The following PCNT variants were observed in gnomAD, a reference collection of about 807,000 sequenced individuals.
The protein encoded by PCNT is kendrin.
In PCNT, 319 loss-of-function variants were observed where a neutral mutation model predicts 380.4. That is an observed-to-expected ratio of 0.84 (90% CI 0.77 to 0.92). PCNT has a LOEUF of 0.92. Ranked by LOEUF, PCNT falls within the 40% of genes least tolerant of loss-of-function variation. The pLI is 0.00. For missense variants in PCNT, 4,400 were observed against 4,255.3 expected, an observed-to-expected ratio of 1.03 and a Z score of -0.95; for synonymous variants, 1,845 against 1,735.2, an observed-to-expected ratio of 1.06 and a Z score of -1.57.
chr21:46,372,391 GCAGCACATGCACACATACA>G (rs1452202931), intron 15 of PCNT, among the ~76,000 whole-genome samples: 6 of 150,336 alleles, frequency 4.0e-5, no homozygotes, highest in Non-Finnish European at 8.9e-5. Context: ...GCTCATACAC[GCAGCACATGCACACATACA>G]CAGCACATGC....
At chr21:46,395,487 GTAA>G (rs2086177966) in intron 21 of PCNT, among the ~76,000 whole-genome samples, 1 of 71,334 alleles carries the variant, frequency 1.4e-5, no homozygotes, top group East Asian at 6.0e-4. Context: ...AGAAATAATA[GTAA>G]TAAAATAGAG....
Position 46,387,005 on chromosome 21 carries a change from G to A in PCNT, c.3464+1022G>A, listed in dbSNP as rs1035474482. ...CCACTGCTCCCGTCTGTCTGTCCCC[G>A]CCCCAGGCCTCTGAGTCCTGCTGCT... On this transcript the variant is annotated intron_variant, in intron 17 of 46. Coordinates refer to ENST00000359568, the MANE Select transcript of PCNT (RefSeq NM_006031.6). Among the ~76,000 whole-genome samples, 6 of 152,086 alleles carry A rather than the reference G, an allele frequency of 3.9e-5. No individual in the cohort carries two copies. The East Asian group carries it at 9.7e-4, about 25-fold the overall frequency.
intron 44 of PCNT, 85 bp from the exon 45 acceptor site, chr21:46,443,725 G>A (rs776245817): frequency 7.5e-6 from 10 of 1,335,054 alleles, no homozygotes; most frequent in South Asian, 3.5e-5. Flanking sequence ...AAGCTTATAC[G>A]TTTAAACTGT....
intron 12 of PCNT, among the ~76,000 whole-genome samples, chr21:46,356,166 G>A (rs2146710399): frequency 6.6e-6 from 1 of 152,360 alleles, no homozygotes; most frequent in Admixed American, 6.5e-5. Flanking sequence ...AGGAGGGGCA[G>A]GCGGCCCTGG....
chr21:46,426,502 C>T (rs1047332538), intron 33 of PCNT, among the ~76,000 whole-genome samples: 12 of 152,196 alleles, frequency 7.9e-5, no homozygotes, highest in South Asian at 2.1e-4. Flanking sequence ...TGTGAGCCTG[C>T]GGGGAGGCTG....
intron 15 of PCNT, among the ~76,000 whole-genome samples, 157 bp downstream of exon 15, chr21:46,367,296 CTT>C (rs1048790405): frequency 2.0e-5 from 3 of 147,626 alleles, no homozygotes; most frequent in Admixed American, 6.9e-5. Context: ...CTTCTGGTCT[CTT>C]TGTGAACTGG....
intron 3 of PCNT, among the ~76,000 whole-genome samples, chr21:46,339,286 G>C (rs796590357): frequency 6.6e-6 from 1 of 152,178 alleles, no homozygotes; most frequent in Non-Finnish European, 1.5e-5. Context: ...CTTGCTTGCC[G>C]GTGGTTTCGC....
intron 3 of PCNT, among the ~76,000 whole-genome samples, chr21:46,340,523 T>C (rs541590454): frequency 6.6e-6 from 1 of 152,380 alleles, no homozygotes; most frequent in African/African-American, 2.4e-5. Context: ...TGTTTTTAGT[T>C]CTATTTGGAT....
At chr21:46,434,581 G>C (rs2087889553) in intron 38 of PCNT, among the ~76,000 whole-genome samples, 1 of 152,240 alleles carries the variant, frequency 6.6e-6, no homozygotes. Context: ...TCGTGCAGTA[G>C]ACCTTCTGTC....
chr21:46,354,331 C>T (rs1197749958), intron 11 of PCNT, among the ~76,000 whole-genome samples: 1 of 152,244 alleles, frequency 6.6e-6, no homozygotes, highest in African/African-American at 2.4e-5. Context: ...GGCCTCCACC[C>T]TGCAGTGGGC....
chr21:46,388,710 G>T lies in PCNT; in HGVS notation c.3465-32G>T. On this transcript the variant is annotated intron_variant, in intron 17 of 46. Coordinates refer to ENST00000359568, the MANE Select transcript of PCNT (RefSeq NM_006031.6). This position sits in a 1 kb window ranked among gnomAD's most constrained non-coding sequence, Gnocchi z 4.2. ...GGTGGGGGTTCTTATGCCGTGACCAGCTTGCCTGATGATGGGTGTCTCCTG... is the reference window on the plus strand; with the variant it reads ...GGTGGGGGTTCTTATGCCGTGACCATCTTGCCTGATGATGGGTGTCTCCTG... The T allele has an allele frequency of 6.2e-7, 1 of 1,612,674 alleles. No homozygotes were observed.
chr21:46,347,621 G>A, intron 6 of PCNT, 109 bp downstream of exon 6: 1 of 978,252 alleles, frequency 1.0e-6, no homozygotes, highest in Non-Finnish European at 1.7e-6. Context: ...AGCCAGTCGA[G>A]GCTTTATTAG....
intron 27 of PCNT, among the ~76,000 whole-genome samples, chr21:46,405,058 A>G (rs2086583679): frequency 6.6e-6 from 1 of 152,112 alleles, no homozygotes; most frequent in Admixed American, 6.5e-5. Context: ...GGACAACGTA[A>G]TGAGACCCAT....
At chr21:46,381,347 T>C (rs968700555) in intron 15 of PCNT, among the ~76,000 whole-genome samples, 2 of 152,062 alleles carry the variant, frequency 1.3e-5, no homozygotes, top group East Asian at 3.9e-4. Flanking sequence ...ATATCTTGGG[T>C]TTTCATGGCT....
chr21:46,372,588 G>A (rs1374671516), intron 15 of PCNT, among the ~76,000 whole-genome samples: 2 of 152,176 alleles, frequency 1.3e-5, no homozygotes, highest in Admixed American at 6.5e-5. Context: ...GCAAATTTTA[G>A]GTGATTATGG....
rs770110852 is a variant in PCNT at position 46,324,302 on chromosome 21, T to C, written c.54+20T>C. On this transcript the variant is annotated intron_variant, in intron 1 of 46. Coordinates refer to ENST00000359568, the MANE Select transcript of PCNT (RefSeq NM_006031.6). ...ACGAAGGTAAACATTAGGGGCTTCT[T>C]CTCTAGCTGCTCTGGCGTGAAGTCC... The C allele has an allele frequency of 1.9e-6, 3 of 1,593,566 alleles. No homozygotes were observed. The highest frequency in any genetic ancestry group is 1.1e-5 in the South Asian group (1 of 89,008).
chr21:46,346,528 C>A (rs932010412), intron 4 of PCNT, among the ~76,000 whole-genome samples: 1 of 152,176 alleles, frequency 6.6e-6, no homozygotes, highest in Admixed American at 6.5e-5. Flanking sequence ...GGTGCTGGTG[C>A]TCAGGGCAGT....
chr21:46,390,148 G>A (rs563658584), intron 19 of PCNT, among the ~76,000 whole-genome samples: 2 of 152,166 alleles, frequency 1.3e-5, no homozygotes, highest in Admixed American at 6.5e-5. Context: ...GCAACATAGC[G>A]AGACCTCATT....
chr21:46,426,079 T>TTC (rs1602068692), intron 33 of PCNT, 108 bp downstream of exon 33: 9 of 1,026,698 alleles, frequency 8.8e-6, no homozygotes, highest in Admixed American at 2.8e-5. Context: ...CTTTTTTTTT[T>TTC]TTTTTTTTTT....
Sources: allele counts gnomAD v4.1 joint callset (sites outside exome capture counted in the v4.1 genomes callset), GRCh38; gene constraint gnomAD v4.1.1; non-coding constraint Gnocchi (gnomAD v3.1); transcripts MANE v1.5; gene names NCBI Gene and HGNC (gene_info 2026-07-23, HGNC 2026-07-21).